Variants in HERC2 observed in about 807,000 individuals in gnomAD.
The protein encoded by HERC2 is E3 ubiquitin-protein ligase HERC2.
In HERC2, 102 loss-of-function variants were observed where a neutral mutation model predicts 537.7. The ratio of observed to expected loss-of-function variants is 0.19; its 90% confidence interval spans 0.16 to 0.22. The LOEUF (loss-of-function observed/expected upper bound fraction) is 0.22, where lower values mean the gene tolerates loss of function less well. Among genes scored for constraint, HERC2 ranks in the 10% least tolerant of loss-of-function variants. The pLI is 1.00. For synonymous variants in HERC2, 2,224 were observed against 2,466.2 expected (o/e 0.90, Z 2.91); for missense variants, 4,236 against 6,198.2 (o/e 0.68, Z 10.63).
In HERC2 at chr15:28,207,872, C is replaced by T. The variant is rs1185394387; in HGVS notation, c.7070-1490G>A. Among the ~76,000 whole-genome samples, 3 of 151,806 alleles carry T rather than the reference C, an allele frequency of 2.0e-5. No homozygotes were observed. In the South Asian group the frequency reaches 6.2e-4, roughly 32 times the overall value. On this transcript the variant is annotated intron_variant, in intron 44 of 92. Coordinates refer to ENST00000261609, the MANE Select transcript of HERC2 (RefSeq NM_004667.6). ...CTCTGCCATTGCAGAGCAAAAGCAT[C>T]CAGAGACGATGTGTAAACAAGTGGT... is the stretch of plus-strand genomic sequence containing the variant.
chr15:28,280,515 T>C (rs557457700), intron 4 of HERC2, among the ~76,000 whole-genome samples: 38 of 152,192 alleles, frequency 2.5e-4, no homozygotes, highest in African/African-American at 8.9e-4. Flanking sequence ...CACCAAGTGG[T>C]TAAGCAACTT....
intron 85 of HERC2, among the ~76,000 whole-genome samples, 170 bp from the exon 86 acceptor site, chr15:28,121,599 C>T (rs547690962): frequency 3.9e-4 from 60 of 152,288 alleles, no homozygotes; most frequent in African/African-American, 8.9e-4. Context: ...AGGCTGGCCC[C>T]GAAGCACACA....
intron 5 of HERC2, among the ~76,000 whole-genome samples, chr15:28,278,167 C>A (rs928070757): frequency 2.0e-5 from 3 of 151,850 alleles, no homozygotes; most frequent in African/African-American, 7.3e-5. Context: ...GAGGCCAAGG[C>A]AGGCAGATCA....
intron 2 of HERC2, chr15:28,312,752 C>G (rs556310220): frequency 1.2e-6 from 1 of 857,840 alleles, no homozygotes; most frequent in South Asian, 5.3e-5. Context: ...CTTACCTAAA[C>G]GTGCCCAGTA....
chr15:28,144,531 C>G, intron 72 of HERC2, 142 bp downstream of exon 72: 1 of 1,149,220 alleles, frequency 8.7e-7, no homozygotes, highest in Non-Finnish European at 1.3e-6. Flanking sequence ...CACGCCTCAG[C>G]AGGGCCTGTG....
At chr15:28,281,738 T>C (rs1042168961) in intron 4 of HERC2, among the ~76,000 whole-genome samples, 1 of 152,184 alleles carries the variant, frequency 6.6e-6, no homozygotes, top group African/African-American at 2.4e-5. Context: ...GGGCTCAAGA[T>C]GGAGAAGTGA....
At chr15:28,142,186 G>C (rs2142248321) in intron 76 of HERC2, 52 bp downstream of exon 76, 2 of 1,577,030 alleles carry the variant, frequency 1.3e-6, no homozygotes, top group East Asian at 4.5e-5. Flanking sequence ...TTACACTATA[G>C]CTAAATAATG....
At chr15:28,255,587 C>T (rs2075233673) in intron 19 of HERC2, among the ~76,000 whole-genome samples, 1 of 152,154 alleles carries the variant, frequency 6.6e-6, no homozygotes, top group Non-Finnish European at 1.5e-5. Flanking sequence ...ATCCTGGCTG[C>T]AAGTGCCAAG....
At position 28,135,518 on chromosome 15, in the gene HERC2, C is replaced by T. The variant is rs564690065; in HGVS notation, c.12190G>A (p.Gly4064Ser). The change falls in exon 79 of 93, where the codon GGT becomes AGT. Residue 4064 changes from glycine (G) to serine (S), a missense_variant. Physicochemically the swap from Gly to Ser is moderately conservative, Grantham distance 56. Coordinates refer to ENST00000261609, the MANE Select transcript of HERC2 (RefSeq NM_004667.6). The stretch of plus-strand genomic sequence containing the variant: ...CCCAACTTCCCATCTTCTGCCTCAC[C>T]CCAAGAGTAAACTTCTCCTTCTGAA... ...LSSEGEVYSW[G>S]EAEDGKLGHG... The T allele has an allele frequency of 6.2e-7, 1 of 1,614,164 alleles. No homozygotes were observed. The highest frequency in any genetic ancestry group is 1.3e-5 in the African/African-American group (1 of 75,020).
intron 42 of HERC2, 181 bp from the exon 43 acceptor site, chr15:28,212,764 AATAAGT>A (rs1288996790): frequency 4.4e-6 from 1 of 224,824 alleles, no homozygotes; most frequent in African/African-American, 2.3e-5. Context: ...TTACACATAT[AATAAGT>A]ATAATCTATA....
chr15:28,314,368 G>A (rs1273529706), intron 2 of HERC2, among the ~76,000 whole-genome samples: 3 of 152,182 alleles, frequency 2.0e-5, no homozygotes, highest in Non-Finnish European at 2.9e-5. Flanking sequence ...AATGGGGTGA[G>A]GGAAGTGGGA....
chr15:28,186,084 A>G (rs1896282531), intron 56 of HERC2, among the ~76,000 whole-genome samples: 1 of 152,208 alleles, frequency 6.6e-6, no homozygotes, highest in African/African-American at 2.4e-5. Context: ...CTAGCGATGG[A>G]CAATAGTGAT....
chr15:28,263,235 G>T, intron 14 of HERC2, 66 bp from the exon 15 acceptor site: 1 of 1,531,238 alleles, frequency 6.5e-7, no homozygotes, highest in Non-Finnish European at 8.9e-7. Flanking sequence ...TTAAATGACT[G>T]CAAATAATAT....
intron 80 of HERC2, 142 bp from the exon 81 acceptor site, chr15:28,132,403 A>C (rs959238988): frequency 1.1e-6 from 1 of 878,268 alleles, no homozygotes; most frequent in African/African-American, 1.7e-5. Flanking sequence ...AAATCCTATA[A>C]GACAAAAGAG....
At chr15:28,116,582 C>T in intron 88 of HERC2, 83 bp downstream of exon 88, 1 of 1,285,682 alleles carries the variant, frequency 7.8e-7, no homozygotes, top group South Asian at 1.4e-5. Flanking sequence ...TATCTACTGT[C>T]ACTCCTCAAA....
intron 38 of HERC2, among the ~76,000 whole-genome samples, chr15:28,216,034 TCTCA>T (rs1485284104): frequency 1.3e-5 from 2 of 152,078 alleles, no homozygotes; most frequent in Non-Finnish European, 2.9e-5. Flanking sequence ...AGAGAAGGGC[TCTCA>T]CTGTGTTTCC....
At chr15:28,179,372 G>A in intron 57 of HERC2, 149 bp from the exon 58 acceptor site, 1 of 678,072 alleles carries the variant, frequency 1.5e-6, no homozygotes, top group Non-Finnish European at 2.5e-6. Flanking sequence ...TACGATGGCA[G>A]TCCCAGTAGA....
rs1339779466 is a variant in HERC2, at chr15:28,202,242, T to A, written c.7488A>T (p.Glu2496Asp). The A allele has an allele frequency of 6.2e-7, 1 of 1,611,030 alleles. No individual in the cohort carries two copies. Among genetic ancestry groups the A allele is most frequent in the African/African-American group, 1.3e-5 (1 of 74,774 alleles). ...GGTCCAGCAGCCACCCGACCAAGGCTTCCACACCTAAGAGAGGCACACACA... is the reference window on the plus strand; with the variant it reads ...GGTCCAGCAGCCACCCGACCAAGGCATCCACACCTAAGAGAGGCACACACA... ...SGNASSLPGVEALVGWLLDHS... is the reference protein window; with the variant it reads ...SGNASSLPGVDALVGWLLDHS... The change falls in exon 47 of 93, where the codon GAA (glutamate) becomes GAT (aspartate). Residue 2496 changes from glutamate (E) to aspartate (D), a missense_variant. Glu to Asp is a conservative substitution (Grantham distance 45). Transcript: ENST00000261609.
In HERC2 at chr15:28,111,069, A is replaced by C. The variant is rs946400399; in HGVS notation, c.*694T>G. On this transcript the variant is annotated 3_prime_UTR_variant, in exon 93 of 93. Coordinates refer to ENST00000261609, the MANE Select transcript of HERC2 (RefSeq NM_004667.6). ...ATGTCAGATGTTTTATTTATAGATA[A>C]TTAAAATTTAGGCATATACATGACA... is the stretch of plus-strand genomic sequence containing the variant. 1 of 152,214 alleles carries C rather than the reference A, an allele frequency of 6.6e-6. No individual in the cohort carries two copies. The highest frequency in any genetic ancestry group is 2.4e-5 in the African/African-American group (1 of 41,452). 9.4% of individuals were successfully genotyped at this position (152,214 alleles called of 1,614,324 possible).
Sources: gnomAD v4.1 joint callset for allele counts (sites outside exome capture counted in the v4.1 genomes callset) on GRCh38, gnomAD v4.1.1 for gene constraint, MANE v1.5 for transcripts, NCBI Gene and HGNC (gene_info 2026-07-23, HGNC 2026-07-21) for gene names.